FARS2: variants seen among roughly 807,000 people sequenced by gnomAD.
FARS2 encodes phenylalanine--tRNA ligase, mitochondrial.
A neutral mutation model predicts 46.4 loss-of-function variants in FARS2; 40 were observed. The ratio of observed to expected loss-of-function variants is 0.86; its 90% CI spans 0.67 to 1.12. FARS2 has a LOEUF of 1.12. Among genes scored for constraint, FARS2 ranks in the 50% most tolerant of loss-of-function variants. FARS2 has a pLI of 0.00. For synonymous variants in FARS2, 234 were observed against 214.9 expected (o/e 1.09, Z -0.78); for missense variants, 513 against 567.9 (o/e 0.90, Z 0.98).
At chr6:5,542,663 C>T (rs1770706384) in intron 4 of FARS2, among the ~76,000 whole-genome samples, 1 of 152,146 alleles carries the variant, frequency 6.6e-6, no homozygotes. Flanking sequence ...AAGATGGCCC[C>T]CAGTTGAGAA....
At chr6:5,665,751 G>T (rs1778083828) in intron 6 of FARS2, among the ~76,000 whole-genome samples, 1 of 152,168 alleles carries the variant, frequency 6.6e-6, no homozygotes, top group Admixed American at 6.5e-5. Context: ...TTCCTTTGAG[G>T]TTTAACTGTA....
chr6:5,321,344 C>G (rs911106280), intron 1 of FARS2, among the ~76,000 whole-genome samples: 1 of 152,142 alleles, frequency 6.6e-6, no homozygotes, highest in Non-Finnish European at 1.5e-5. Context: ...TGTTCTTGCA[C>G]TGTTTGTAGA....
chr6:5,759,731 C>T (rs1023850540), intron 6 of FARS2, among the ~76,000 whole-genome samples: 2 of 151,930 alleles, frequency 1.3e-5, no homozygotes, highest in African/African-American at 4.8e-5. Context: ...GAATCCAGGG[C>T]GAGTGAGGAG....
At chr6:5,391,147 A>T (rs1195871397) in intron 2 of FARS2, among the ~76,000 whole-genome samples, 1 of 152,110 alleles carries the variant, frequency 6.6e-6, no homozygotes, top group East Asian at 1.9e-4. Flanking sequence ...ATCTGACCCT[A>T]TTGCCCCTTT....
chr6:5,443,701 T>C (rs1183540114), intron 4 of FARS2, among the ~76,000 whole-genome samples: 1 of 152,156 alleles, frequency 6.6e-6, no homozygotes, highest in Admixed American at 6.5e-5. Flanking sequence ...CAGGTGGTGG[T>C]TGTTGCATGC....
At chr6:5,598,658 GA>G (rs1386885468) in intron 5 of FARS2, among the ~76,000 whole-genome samples, 1 of 152,098 alleles carries the variant, frequency 6.6e-6, no homozygotes. Context: ...TCACTGCAGA[GA>G]AAAAACAGAA....
chr6:5,351,887 C>CT (rs1452189863), intron 1 of FARS2, among the ~76,000 whole-genome samples: 1 of 152,186 alleles, frequency 6.6e-6, no homozygotes, highest in Non-Finnish European at 1.5e-5. Context: ...GGAATAGTAA[C>CT]TGTTTCTTGT....
chr6:5,266,862 C>T (rs759342953), intron 1 of FARS2, among the ~76,000 whole-genome samples: 8 of 152,056 alleles, frequency 5.3e-5, no homozygotes, highest in Non-Finnish European at 1.0e-4. Context: ...ATTAACATCT[C>T]TTTGAAAAGA....
At chr6:5,407,350 T>C (rs1761674789) in intron 3 of FARS2, among the ~76,000 whole-genome samples, 1 of 152,044 alleles carries the variant, frequency 6.6e-6, no homozygotes, top group Admixed American at 6.6e-5. Flanking sequence ...AATATGTATT[T>C]AAAGAGAATC....
intron 6 of FARS2, among the ~76,000 whole-genome samples, chr6:5,694,355 G>A (rs1757962518): frequency 1.3e-5 from 2 of 152,282 alleles, no homozygotes; most frequent in Non-Finnish European, 2.9e-5. Context: ...CTCTGAATCA[G>A]TTACATCATG....
chr6:5,535,873 C>T (rs1412112937), intron 4 of FARS2, among the ~76,000 whole-genome samples: 1 of 152,074 alleles, frequency 6.6e-6, no homozygotes, highest in Non-Finnish European at 1.5e-5. Flanking sequence ...GCTTGCACTC[C>T]TGGGGTAAAT....
intron 6 of FARS2, among the ~76,000 whole-genome samples, chr6:5,717,856 C>T (rs1474133040): frequency 2.7e-5 from 4 of 150,652 alleles, no homozygotes; most frequent in Non-Finnish European, 4.4e-5. Context: ...GCTTTTTCTA[C>T]CATGCCCTAG....
chr6:5,526,081 T>C (rs906596007), intron 4 of FARS2, among the ~76,000 whole-genome samples: 2 of 152,238 alleles, frequency 1.3e-5, no homozygotes, highest in African/African-American at 4.8e-5. Context: ...GTTTCCTGTA[T>C]TGATACGTGA....
chr6:5,253,378 C>T, the FARS2 span, among the ~76,000 whole-genome samples: 1 of 149,676 alleles, frequency 6.7e-6, no homozygotes, highest in African/African-American at 2.4e-5. Context: ...GGAATAAATT[C>T]TTAAATAAAT....
chr6:5,456,929 G>A (rs1411436275), intron 4 of FARS2: 1 of 152,144 alleles, frequency 6.6e-6, no homozygotes, highest in Non-Finnish European at 1.5e-5. Context: ...GCAGGGAAAG[G>A]GAGGCCGAGG....
chr6:5,616,865 C>T (rs1775504084), intron 6 of FARS2, among the ~76,000 whole-genome samples: 1 of 151,880 alleles, frequency 6.6e-6, no homozygotes, highest in Admixed American at 6.6e-5. Context: ...CCCTTTCGCA[C>T]TGGAGATTTT....
intron 4 of FARS2, among the ~76,000 whole-genome samples, chr6:5,500,214 C>CT (rs1172042813): frequency 6.6e-6 from 1 of 152,170 alleles, no homozygotes; most frequent in Non-Finnish European, 1.5e-5. Context: ...CCCTAGAAAA[C>CT]TTTATTTTCT....
At position 5,286,980 on chromosome 6, in the gene FARS2, C is replaced by T. The variant is rs375858015; in HGVS notation, c.-22+25320C>T. On this transcript the variant is annotated intron_variant, in intron 1 of 6. Coordinates refer to ENST00000274680, the MANE Select transcript of FARS2 (RefSeq NM_006567.5). The stretch of plus-strand genomic sequence containing the variant: ...ACCTAATACAGGAAGACTCGCTGCA[C>T]TTGTGGCCCCAGGCCTGGCCGCCTG... 5.9e-5 allele frequency among the ~76,000 whole-genome samples: 9 copies of T among 152,362 alleles called. No homozygotes were observed. In the South Asian group the frequency reaches 1.5e-3, roughly 25 times the overall value.
rs755296279 is a variant in FARS2, at chr6:5,636,881, G to A, written c.1217+23561G>A. On this transcript the variant is annotated intron_variant, in intron 6 of 6. Transcript: ENST00000274680. ...TGAGTTACTCTCCCTGAGCCACTAC[G>A]TTGACAGAAGCAGCTGGTGCGGCAA... Among the ~76,000 whole-genome samples, 35 of 152,218 alleles carry A rather than the reference G, an allele frequency of 2.3e-4. 1 individual carries two copies. The highest frequency in any genetic ancestry group is 2.1e-4 in the South Asian group (1 of 4,832).
Sources: gnomAD v4.1 joint callset for allele counts (sites outside exome capture counted in the v4.1 genomes callset) on GRCh38, gnomAD v4.1.1 for gene constraint, MANE v1.5 for transcripts, NCBI Gene and HGNC (gene_info 2026-07-23, HGNC 2026-07-21) for gene names.